The following TTC39C variants were observed in gnomAD, a reference collection of about 807,000 sequenced individuals.
The protein encoded by TTC39C is tetratricopeptide repeat domain 39C, also known as tetratricopeptide repeat protein 39C.
In TTC39C, 33 loss-of-function variants were observed where a neutral mutation model predicts 76.3. The observed-to-expected ratio is 0.43, with a 90% CI of 0.33 to 0.58. The LOEUF (loss-of-function observed/expected upper bound fraction) is 0.58, where lower values mean the gene tolerates loss of function less well. TTC39C is among the 20% of genes least tolerant of loss of function. The pLI is 0.04. For synonymous variants in TTC39C, 254 were observed against 260.6 expected (o/e 0.97, Z 0.24); for missense variants, 595 against 701.4 (o/e 0.85, Z 1.71).
intron 1 of TTC39C, chr18:24,020,254 GA>G: frequency 1.9e-6 from 2 of 1,026,726 alleles, no homozygotes; most frequent in Non-Finnish European, 2.3e-6. Flanking sequence ...TACACTGTCT[GA>G]AAAGGTCCTA....
intron 1 of TTC39C, among the ~76,000 whole-genome samples, chr18:24,053,612 G>A (rs911679540): frequency 6.6e-6 from 1 of 152,192 alleles, no homozygotes; most frequent in Non-Finnish European, 1.5e-5. Context: ...GCTCATTGCA[G>A]AAGCAATAAA....
intron 4 of TTC39C, among the ~76,000 whole-genome samples, chr18:24,073,778 C>T (rs1258114323): frequency 1.3e-5 from 2 of 152,210 alleles, no homozygotes; most frequent in Non-Finnish European, 1.5e-5. Context: ...CCTTGTCCTC[C>T]CAAAGTGTGG....
At chr18:24,056,650 T>G (rs1056102900) in intron 1 of TTC39C, among the ~76,000 whole-genome samples, 6 of 152,170 alleles carry the variant, frequency 3.9e-5, no homozygotes, top group Non-Finnish European at 4.4e-5. Context: ...TGTTGGCGAA[T>G]ATCAGAATGA....
intron 1 of TTC39C, among the ~76,000 whole-genome samples, chr18:24,008,581 T>C (rs776525242): frequency 1.1e-4 from 16 of 152,218 alleles, no homozygotes; most frequent in Non-Finnish European, 1.8e-4. Context: ...CCACTGTTGG[T>C]TGGAGTGTAA....
chr18:24,016,749 G>A (rs971616565), intron 1 of TTC39C: 9 of 398,494 alleles, frequency 2.3e-5, no homozygotes, highest in Admixed American at 8.8e-5. Flanking sequence ...GGGTGAGTGC[G>A]TTGGAGGTGT....
intron 1 of TTC39C, among the ~76,000 whole-genome samples, chr18:24,006,721 A>G (rs2083355886): frequency 6.6e-6 from 1 of 152,226 alleles, no homozygotes; most frequent in Non-Finnish European, 1.5e-5. Flanking sequence ...GTAATTATCA[A>G]TGCATAAGAT....
intron 1 of TTC39C, among the ~76,000 whole-genome samples, chr18:24,044,351 T>C (rs2083836987): frequency 6.6e-6 from 1 of 152,138 alleles, no homozygotes; most frequent in Admixed American, 6.6e-5. Flanking sequence ...TGAGAAGCCA[T>C]GCTAGCGAAG....
intron 6 of TTC39C, among the ~76,000 whole-genome samples, chr18:24,086,443 G>GT (rs2084440107): frequency 6.6e-6 from 1 of 152,138 alleles, no homozygotes; most frequent in African/African-American, 2.4e-5. Flanking sequence ...GCCTTTCGTT[G>GT]TTTGGGACTC....
At chr18:24,016,887 T>C (rs1281689720) in intron 1 of TTC39C, 2 of 396,370 alleles carry the variant, frequency 5.0e-6, no homozygotes, top group African/African-American at 2.1e-5. Flanking sequence ...CATTCCCTTA[T>C]ATATTCTCAC....
chr18:24,063,344 G>C (rs973615464), intron 1 of TTC39C, among the ~76,000 whole-genome samples: 1 of 152,172 alleles, frequency 6.6e-6, no homozygotes, highest in Non-Finnish European at 1.5e-5. Context: ...ACTCAGTGAA[G>C]AGACCCTTTG....
chr18:24,119,697 T>C (rs1236839242), intron 8 of TTC39C, among the ~76,000 whole-genome samples: 1 of 152,192 alleles, frequency 6.6e-6, no homozygotes, highest in Non-Finnish European at 1.5e-5. Flanking sequence ...ATGCTGTGTC[T>C]CACACTTAAA....
At chr18:24,021,564 G>T (rs182880218) in intron 1 of TTC39C, among the ~76,000 whole-genome samples, 4 of 102,418 alleles carry the variant, frequency 3.9e-5, no homozygotes, top group African/African-American at 8.5e-5. Context: ...TTTTTTTTCC[G>T]AGACAGAGTC....
At chr18:24,048,572 G>A (rs2083912739) in intron 1 of TTC39C, among the ~76,000 whole-genome samples, 1 of 152,152 alleles carries the variant, frequency 6.6e-6, no homozygotes, top group South Asian at 2.1e-4. Context: ...AAGTATTTGA[G>A]ATAAATGTAT....
At position 24,031,413 on chromosome 18, in the gene TTC39C, G is replaced by A. The variant is rs78317444; in HGVS notation, c.167+16375G>A. ...CTGTTTTTATGCTGAATAGTATTAC[G>A]TGGACCTAGCAAGATTGCAGGTCAG... On this transcript the variant is annotated intron_variant, in intron 1 of 13. Coordinates refer to ENST00000317571, the MANE Select transcript of TTC39C (RefSeq NM_001135993.2). 2.3e-3 allele frequency among the ~76,000 whole-genome samples: 355 copies of A among 152,268 alleles called. 13 individuals are homozygous for A. The East Asian group carries it at 0.059, about 25-fold the overall frequency.
chr18:24,065,327 C>T (rs78949920), intron 2 of TTC39C, among the ~76,000 whole-genome samples: 4,369 of 152,246 alleles, frequency 0.029, 106 homozygotes, highest in South Asian at 0.1. Context: ...CCAGGTATCC[C>T]GCAGCAAGTC....
chr18:24,125,799 AT>A (rs1431871161), intron 10 of TTC39C: 1 of 433,842 alleles, frequency 2.3e-6, no homozygotes, highest in East Asian at 3.5e-5. Context: ...TATAAATGTT[AT>A]TAATTCTGTA....
In TTC39C at chr18:24,127,152, C is replaced by G. The variant is rs375661515; in HGVS notation, c.1420+1602C>G. ...TCTGAAGTGAGCATGAGATAATTCT[C>G]TAATATCTTTGCTAAATTTAACCCA... On this transcript the variant is annotated intron_variant, in intron 10 of 13. Transcript: ENST00000317571. Among the ~76,000 whole-genome samples the G allele has an allele frequency of 1.1e-4, 17 of 152,274 alleles. No homozygotes were observed. In the South Asian group the frequency reaches 2.9e-3, roughly 26 times the overall value.
chr18:24,067,860 G>C (rs1386050670), intron 3 of TTC39C, among the ~76,000 whole-genome samples: 1 of 152,158 alleles, frequency 6.6e-6, no homozygotes, highest in African/African-American at 2.4e-5. Context: ...ACTTCTTAAT[G>C]TGGCTGACTT....
chr18:24,015,127 C>T, intron 1 of TTC39C, 89 bp downstream of exon 1: 1 of 1,237,344 alleles, frequency 8.1e-7, no homozygotes, highest in Non-Finnish European at 1.1e-6. Context: ...CGGGAGCCCC[C>T]TCCCCCTCCT....
Sources: allele counts gnomAD v4.1 joint callset (sites outside exome capture counted in the v4.1 genomes callset), GRCh38; gene constraint gnomAD v4.1.1; transcripts MANE v1.5; gene names NCBI Gene and HGNC (gene_info 2026-07-23, HGNC 2026-07-21).